ELAC2: variants seen among roughly 807,000 people sequenced by gnomAD.
The protein encoded by ELAC2 is zinc phosphodiesterase ELAC protein 2.
In ELAC2, 92 loss-of-function variants were observed where a neutral mutation model predicts 105.2. That is an observed-to-expected ratio of 0.87 (90% confidence interval 0.74 to 1.04). The LOEUF is 1.04. Among genes scored for constraint, ELAC2 ranks in the 50% least tolerant of loss-of-function variants. The pLI is 0.00. For synonymous variants in ELAC2, 468 were observed against 409.1 expected, an observed-to-expected ratio of 1.14 and a Z score of -1.74; for missense variants, 1,099 against 1,071.7, an observed-to-expected ratio of 1.03 and a Z score of -0.36.
chr17:13,007,043 G>T (rs557230936), intron 8 of ELAC2, among the ~76,000 whole-genome samples: 2 of 151,614 alleles, frequency 1.3e-5, no homozygotes, highest in East Asian at 3.9e-4. Flanking sequence ...CCAGGAGGCG[G>T]AAGATTGCAG....
In ELAC2 at chr17:13,017,814, T is replaced by G. The variant is rs745328310; in HGVS notation, c.134A>C (p.Lys45Thr). 5.0e-6 allele frequency: 8 copies of G among 1,600,886 alleles called. No homozygotes were observed. The African/African-American group carries it at 1.1e-4, about 21-fold the overall frequency. Reference protein sequence around the residue: ...DPLRHLRTREKRGPSGCSGGP... With the variant: ...DPLRHLRTRETRGPSGCSGGP... Reference sequence around the variant, plus strand: ...GCCGGAGCACCCCGACGGTCCGCGCTTCTCTCGCGTGCGCAGGTGCCGCAG... The same window carrying G: ...GCCGGAGCACCCCGACGGTCCGCGCGTCTCTCGCGTGCGCAGGTGCCGCAG... The change falls in exon 1 of 24, where the codon AAG (lysine) becomes ACG (threonine). Residue 45 changes from lysine (K) to threonine (T), a missense_variant. Transcript: ENST00000338034.
At position 13,000,204 on chromosome 17, in the gene ELAC2, T is replaced by C. The variant is rs760132087; in HGVS notation, c.1375A>G (p.Ser459Gly). Reference sequence around the variant, plus strand: ...GCACTCCTCCTGTACTCCTGCACGCTCTGCTGGAAGTTGGGAAGCTGCAGC... The same window carrying C: ...GCACTCCTCCTGTACTCCTGCACGCCCTGCTGGAAGTTGGGAAGCTGCAGC... ...EALQLPNFQQ[S>G]VQEYRRSAQD... is the part of the protein sequence containing the mutation. The change falls in exon 15 of 24, where the codon AGC becomes GGC. Residue 459 changes from serine to glycine, a missense_variant. Transcript: ENST00000338034. 1.1e-5 allele frequency: 18 copies of C among 1,614,088 alleles called. No homozygotes were observed. The highest frequency in any genetic ancestry group is 1.4e-5 in the Non-Finnish European group (16 of 1,180,024).
chr17:13,009,664 C>T (rs1379367749), intron 8 of ELAC2, among the ~76,000 whole-genome samples: 1 of 152,140 alleles, frequency 6.6e-6, no homozygotes, highest in East Asian at 1.9e-4. Flanking sequence ...TCAATAATTT[C>T]TGAATTCTAA....
intron 1 of ELAC2, 118 bp downstream of exon 1, chr17:13,017,585 C>G: frequency 1.9e-6 from 3 of 1,540,300 alleles, no homozygotes; most frequent in Non-Finnish European, 2.6e-6. Context: ...CACGAACCCC[C>G]GCAACAGTGA....
chr17:13,004,473 G>A (rs2040998947), intron 11 of ELAC2, among the ~76,000 whole-genome samples: 1 of 152,200 alleles, frequency 6.6e-6, no homozygotes, highest in African/African-American at 2.4e-5. Flanking sequence ...GATTCCATCT[G>A]GAATGAAAGC....
In ELAC2 at chr17:13,002,444, AC is replaced by A. The variant is rs1231150660; in HGVS notation, c.1214del (p.Cys405LeufsTer43). On this transcript the variant is annotated frameshift_variant, in exon 13 of 24. Coordinates refer to ENST00000338034, the MANE Select transcript of ELAC2 (RefSeq NM_018127.7). LOFTEE classifies it high-confidence loss of function. ...DIFPLLTSFR[C>X]KKEGPTLSVP... ...AGGGGCCGGTCTGAGACACTACCTT[AC>A]AGCGGAAACTGGTGAGCAGGGGGAA... The A allele has an allele frequency of 1.2e-6, 2 of 1,613,000 alleles. No homozygotes were observed. Among genetic ancestry groups the A allele is most frequent in the Non-Finnish European group, 1.7e-6 (2 of 1,179,556 alleles).
chr17:13,017,176 T>G, intron 1 of ELAC2, 55 bp from the exon 2 acceptor site: 1 of 1,460,198 alleles, frequency 6.8e-7, no homozygotes, highest in Non-Finnish European at 9.6e-7. Context: ...GTAAACTCTC[T>G]GACACCAATT....
Position 13,017,822 on chromosome 17 carries a change from C to G in ELAC2, c.126G>C (p.Thr42=), listed in dbSNP as rs1418057995. 1 of 1,596,948 alleles carries G rather than the reference C, an allele frequency of 6.3e-7. No homozygotes were observed. The highest frequency in any genetic ancestry group is 1.1e-5 in the South Asian group (1 of 89,218). The part of the protein sequence containing the change: ...PRKDPLRHLR[T]REKRGPSGCS... Reference sequence around the variant, plus strand: ...ACCCCGACGGTCCGCGCTTCTCTCGCGTGCGCAGGTGCCGCAGCGGGTCCT... The same window carrying G: ...ACCCCGACGGTCCGCGCTTCTCTCGGGTGCGCAGGTGCCGCAGCGGGTCCT... The change falls in exon 1 of 24, where the codon ACG becomes ACC. Residue 42 remains threonine, a synonymous_variant. Transcript: ENST00000338034.
At chr17:12,995,898 A>T (rs2040444352) in intron 18 of ELAC2, 42 bp downstream of exon 18, 2 of 1,586,048 alleles carry the variant, frequency 1.3e-6, no homozygotes, top group African/African-American at 1.3e-5. Context: ...GATGATGTGT[A>T]AACCGCTGAA....
At chr17:13,009,759 G>C (rs1425211890) in intron 8 of ELAC2, among the ~76,000 whole-genome samples, 1 of 152,196 alleles carries the variant, frequency 6.6e-6, no homozygotes, top group Non-Finnish European at 1.5e-5. Flanking sequence ...GGGAGGCCAA[G>C]GTGGGTGGAT....
chr17:13,011,872 G>A (rs572949152), intron 6 of ELAC2, 90 bp from the exon 7 acceptor site: 13 of 1,594,588 alleles, frequency 8.2e-6, no homozygotes, highest in East Asian at 6.7e-5. Flanking sequence ...ATGCCAGAAC[G>A]CCAATTAAAT....
In ELAC2 at chr17:13,015,847, T is replaced by C. The variant is rs754919019; in HGVS notation, c.368-15A>G. ...AAGAATCATTCCTAAAAAGGATGCATAAAATCAGATCTCTCATCAATTTGA... is the reference window on the plus strand; with the variant it reads ...AAGAATCATTCCTAAAAAGGATGCACAAAATCAGATCTCTCATCAATTTGA... On this transcript the variant is annotated splice_polypyrimidine_tract_variant and intron_variant, in intron 3 of 23. Transcript: ENST00000338034. 1.2e-6 allele frequency: 2 copies of C among 1,607,916 alleles called. No homozygotes were observed. The highest frequency in any genetic ancestry group is 1.7e-6 in the Non-Finnish European group (2 of 1,174,462).
chr17:13,008,686 C>A (rs570408908), intron 8 of ELAC2, among the ~76,000 whole-genome samples: 1 of 151,794 alleles, frequency 6.6e-6, no homozygotes, highest in African/African-American at 2.4e-5. Flanking sequence ...TGCCCAAAGC[C>A]GAGGTCTTCC....
intron 8 of ELAC2, among the ~76,000 whole-genome samples, chr17:13,008,422 G>T (rs1036237159): frequency 6.6e-6 from 1 of 151,852 alleles, no homozygotes; most frequent in African/African-American, 2.4e-5. Context: ...TGAGGCAGGA[G>T]AACTGCTTGA....
Position 13,002,345 on chromosome 17 carries a change from G to C in ELAC2, c.1233C>G (p.Thr411=), listed in dbSNP as rs745763181. 3 of 1,614,200 alleles carry C rather than the reference G, an allele frequency of 1.9e-6. No homozygotes were observed. Among genetic ancestry groups the C allele is most frequent in the Non-Finnish European group, 2.5e-6 (3 of 1,180,034 alleles). The change falls in exon 14 of 24, where the codon ACC becomes ACG. Residue 411 remains threonine, a synonymous_variant. Coordinates refer to ENST00000338034, the MANE Select transcript of ELAC2 (RefSeq NM_018127.7). The part of the protein sequence containing the change: ...TSFRCKKEGP[T]LSVPMVQGEC... Reference sequence around the variant, plus strand: ...CACCCTGAACCATGGGCACACTGAGGGTGGGGCCCTCCTTCTGAAAGAGAC... The same window carrying C: ...CACCCTGAACCATGGGCACACTGAGCGTGGGGCCCTCCTTCTGAAAGAGAC...
chr17:13,015,142 C>T (rs902756000), intron 4 of ELAC2, among the ~76,000 whole-genome samples: 1 of 152,196 alleles, frequency 6.6e-6, no homozygotes, highest in African/African-American at 2.4e-5. Context: ...TTGAAGTGAC[C>T]TCTCTGGCTG....
intron 16 of ELAC2, among the ~76,000 whole-genome samples, chr17:12,997,808 C>T (rs191946400): frequency 1.1e-4 from 17 of 152,276 alleles, no homozygotes; most frequent in South Asian, 2.1e-4. Context: ...GTAGAGATAA[C>T]GTGTACATGT....
At chr17:13,003,800 G>C in intron 11 of ELAC2, 1 of 572,790 alleles carries the variant, frequency 1.7e-6, no homozygotes, top group Non-Finnish European at 3.2e-6. Flanking sequence ...CTCTGCTCTG[G>C]GCTTTCCAGT....
chr17:12,993,740 G>C lies in ELAC2; in HGVS notation c.2200C>G (p.Leu734Val), dbSNP rs556452230. 2.5e-5 allele frequency: 41 copies of C among 1,614,184 alleles called. 2 individuals carry two copies. The South Asian group carries it at 3.8e-4, about 15-fold the overall frequency. Residue 734 changes from leucine (L) to valine (V), a missense_variant, in exon 23 of 24, where the codon CTC becomes GTC. Leu to Val is a conservative substitution (Grantham distance 32, BLOSUM62 1). Transcript: ENST00000338034. ...HFSQRYAKVP[L>V]FSPNFSEKVG... ...TTCTCGCTGAAGTTGGGGCTGAAGA[G>C]GGGGACCTTGGCATAGCGCTGGCTG...
Sources: allele counts gnomAD v4.1 joint callset (sites outside exome capture counted in the v4.1 genomes callset), GRCh38; gene constraint gnomAD v4.1.1; transcripts MANE v1.5; gene names NCBI Gene and HGNC (gene_info 2026-07-23, HGNC 2026-07-21).